The following SPAG16 variants were observed in gnomAD, a reference collection of about 807,000 sequenced individuals.
SPAG16 encodes the protein sperm-associated antigen 16 protein.
A neutral mutation model predicts 80.4 loss-of-function variants in SPAG16; 86 were observed. The ratio of observed to expected loss-of-function variants is 1.07; its 90% CI spans 0.90 to 1.28. The LOEUF (loss-of-function observed/expected upper bound fraction) is 1.28. SPAG16 is among the 50% of genes most tolerant of loss of function. The pLI is 0.00. For synonymous variants in SPAG16, 294 were observed against 265.9 expected (o/e 1.11, Z -1.03); for missense variants, 870 against 765.3 (o/e 1.14, Z -1.61).
intron 13 of SPAG16, among the ~76,000 whole-genome samples, chr2:214,100,709 A>G (rs1431054711): frequency 6.6e-6 from 1 of 152,134 alleles, no homozygotes; most frequent in African/African-American, 2.4e-5. Flanking sequence ...TGGTCCTGCA[A>G]AGGACATGAT....
At chr2:213,873,057 A>G (rs1292991040) in intron 11 of SPAG16, among the ~76,000 whole-genome samples, 2 of 152,054 alleles carry the variant, frequency 1.3e-5, no homozygotes, top group African/African-American at 4.8e-5. Flanking sequence ...TTGGTATTAG[A>G]ACAATACTGG....
At chr2:213,887,549 G>A (rs2042789) in intron 11 of SPAG16, among the ~76,000 whole-genome samples, 2 of 150,868 alleles carry the variant, frequency 1.3e-5, no homozygotes, top group African/African-American at 4.9e-5. Context: ...ACTACTAAAT[G>A]TTTTCATAAT....
At chr2:213,837,647 C>T (rs1251264458) in intron 10 of SPAG16, among the ~76,000 whole-genome samples, 2 of 152,160 alleles carry the variant, frequency 1.3e-5, no homozygotes, top group Non-Finnish European at 2.9e-5. Flanking sequence ...CAGAATAATG[C>T]ACCCCAGCAA....
chr2:213,994,729 A>T lies in SPAG16; in HGVS notation c.1401-19222A>T, dbSNP rs529294093. ...TATTCTGAATTTTATTCTCCATATT[A>T]CAGCTATAATATAAAGGAAATAAAT... On this transcript the variant is annotated intron_variant, in intron 12 of 15. Transcript: ENST00000331683. 1.1e-4 allele frequency among the ~76,000 whole-genome samples: 17 copies of T among 152,238 alleles called. No individual in the cohort carries two copies. In the South Asian group the frequency reaches 3.5e-3, roughly 32 times the overall value.
intron 10 of SPAG16, among the ~76,000 whole-genome samples, chr2:213,695,368 T>A (rs1354571181): frequency 1.3e-5 from 2 of 152,194 alleles, no homozygotes; most frequent in Non-Finnish European, 2.9e-5. Flanking sequence ...ACTATGCTTA[T>A]TATACTATCC....
intron 12 of SPAG16, among the ~76,000 whole-genome samples, chr2:213,989,177 A>G (rs1227050226): frequency 6.6e-6 from 1 of 152,144 alleles, no homozygotes; most frequent in Non-Finnish European, 1.5e-5. Context: ...TGATTCTCCA[A>G]TTAGTTACTG....
chr2:213,474,974 C>G (rs2073290978), intron 9 of SPAG16, among the ~76,000 whole-genome samples: 1 of 152,190 alleles, frequency 6.6e-6, no homozygotes, highest in East Asian at 1.9e-4. Flanking sequence ...CACATGTCAT[C>G]ATTGGGGTCC....
intron 10 of SPAG16, among the ~76,000 whole-genome samples, chr2:213,613,492 C>T (rs2061501640): frequency 6.6e-6 from 1 of 152,138 alleles, no homozygotes; most frequent in South Asian, 2.1e-4. Context: ...TTGCACTTGC[C>T]ATTCCTGCCA....
intron 14 of SPAG16, among the ~76,000 whole-genome samples, chr2:214,122,591 A>G (rs1258245843): frequency 6.6e-6 from 1 of 151,918 alleles, no homozygotes; most frequent in East Asian, 1.9e-4. Flanking sequence ...AGAAATGCAA[A>G]CAACAATTAG....
intron 15 of SPAG16, among the ~76,000 whole-genome samples, chr2:214,270,957 C>G (rs756700123): frequency 6.6e-6 from 1 of 151,952 alleles, no homozygotes; most frequent in East Asian, 1.9e-4. Flanking sequence ...ACCTTTTTCC[C>G]GAATATACCC....
chr2:213,847,020 A>T (rs2074664660), intron 10 of SPAG16, among the ~76,000 whole-genome samples: 1 of 152,144 alleles, frequency 6.6e-6, no homozygotes, highest in Non-Finnish European at 1.5e-5. Context: ...CAGGTGGAGT[A>T]CTTGTCAATT....
At position 213,798,042 on chromosome 2, in the gene SPAG16, T is replaced by G. The variant is rs186941401; in HGVS notation, c.1071-64443T>G. Among the ~76,000 whole-genome samples the G allele has an allele frequency of 1.1e-4, 16 of 152,324 alleles. No homozygotes were observed. The East Asian group carries it at 1.9e-3, about 18-fold the overall frequency. ...CGGGGCATGGCATTGTGGCCATTAC[T>G]TGCATTCCCCTAATGACTACTCCTG... On this transcript the variant is annotated intron_variant, in intron 10 of 15. Coordinates refer to ENST00000331683, the MANE Select transcript of SPAG16 (RefSeq NM_024532.5).
At chr2:213,793,775 C>T (rs1306513001) in intron 10 of SPAG16, among the ~76,000 whole-genome samples, 3 of 152,136 alleles carry the variant, frequency 2.0e-5, no homozygotes, top group African/African-American at 4.8e-5. Flanking sequence ...CTAGTTTCTT[C>T]GCTCTGTGGT....
chr2:214,129,834 C>A lies in SPAG16; in HGVS notation c.1594-19306C>A, dbSNP rs78846035. Among the ~76,000 whole-genome samples the A allele has an allele frequency of 7.4e-3, 1,123 of 152,236 alleles. 5 individuals are homozygous for A. The highest frequency in any genetic ancestry group is 0.013 in the Non-Finnish European group (876 of 68,020). ...TGAGAAAAACTATAGACTATGAATGCATGACTTATAAGGCTTTTTAGAGAA... is the reference window on the plus strand; with the variant it reads ...TGAGAAAAACTATAGACTATGAATGAATGACTTATAAGGCTTTTTAGAGAA... On this transcript the variant is annotated intron_variant, in intron 14 of 15. Coordinates refer to ENST00000331683, the MANE Select transcript of SPAG16 (RefSeq NM_024532.5).
chr2:214,041,524 A>G (rs1401055620), intron 13 of SPAG16, among the ~76,000 whole-genome samples: 1 of 151,786 alleles, frequency 6.6e-6, no homozygotes, highest in Non-Finnish European at 1.5e-5. Context: ...TTTCATTACA[A>G]AGTGCATTTT....
At chr2:213,834,215 C>T (rs928515130) in intron 10 of SPAG16, among the ~76,000 whole-genome samples, 1 of 152,146 alleles carries the variant, frequency 6.6e-6, no homozygotes, top group African/African-American at 2.4e-5. Context: ...TTTTTCTTCC[C>T]ATTCTCAGGT....
intron 15 of SPAG16, among the ~76,000 whole-genome samples, chr2:214,353,513 G>C (rs1392455055): frequency 2.6e-5 from 4 of 152,164 alleles, no homozygotes; most frequent in Non-Finnish European, 5.9e-5. Context: ...GAAGGTCTCA[G>C]TAAATTCTTT....
intron 15 of SPAG16, among the ~76,000 whole-genome samples, chr2:214,262,323 G>GTGCC (rs1466277823): frequency 6.6e-6 from 1 of 151,970 alleles, no homozygotes; most frequent in Non-Finnish European, 1.5e-5. Context: ...GTTTAAAAAT[G>GTGCC]TGCCATATTT....
intron 5 of SPAG16, among the ~76,000 whole-genome samples, chr2:213,322,240 C>T (rs1381135032): frequency 1.4e-5 from 2 of 142,860 alleles, no homozygotes; most frequent in Non-Finnish European, 3.0e-5. Flanking sequence ...TTATAAATAA[C>T]TATTATGAGT....
Sources: allele counts gnomAD v4.1 joint callset (sites outside exome capture counted in the v4.1 genomes callset), GRCh38; gene constraint gnomAD v4.1.1; transcripts MANE v1.5; gene names NCBI Gene and HGNC (gene_info 2026-07-23, HGNC 2026-07-21).